DPYD: variants seen among roughly 807,000 people sequenced by gnomAD.
DPYD encodes the protein dihydropyrimidine dehydrogenase.
DPYD carries 109 observed loss-of-function variants against 116.2 expected under a neutral mutation model. The observed-to-expected ratio is 0.94, with a 90% confidence interval of 0.80 to 1.10. The LOEUF is 1.10. Ranked by LOEUF, DPYD falls within the 50% of genes least tolerant of loss-of-function variation. The pLI, the probability that DPYD is intolerant of heterozygous loss-of-function variation, is 0.00. For synonymous variants in DPYD, 440 were observed against 432.0 expected, an observed-to-expected ratio of 1.02 and a Z score of -0.23; for missense variants, 1,302 against 1,254.5, an observed-to-expected ratio of 1.04 and a Z score of -0.57.
At chr1:97,637,742 C>T (rs550452648) in intron 8 of DPYD, among the ~76,000 whole-genome samples, 8 of 152,260 alleles carry the variant, frequency 5.3e-5, no homozygotes, top group African/African-American at 9.6e-5. Context: ...GATGCCTACT[C>T]TGCTTTCTAA....
chr1:97,801,971 G>T (rs962114971), intron 3 of DPYD, among the ~76,000 whole-genome samples: 6 of 151,822 alleles, frequency 4.0e-5, no homozygotes, highest in Non-Finnish European at 8.8e-5. Context: ...TATTTTAGAA[G>T]TAGGATATAA....
At chr1:97,835,840 CACTT>C (rs1669745562) in intron 2 of DPYD, among the ~76,000 whole-genome samples, 1 of 152,010 alleles carries the variant, frequency 6.6e-6, no homozygotes, top group African/African-American at 2.4e-5. Context: ...TTTACTTACT[CACTT>C]AATCTTGACA....
chr1:97,553,222 G>T (rs528154185), intron 11 of DPYD, among the ~76,000 whole-genome samples: 1 of 151,696 alleles, frequency 6.6e-6, no homozygotes, highest in Non-Finnish European at 1.5e-5. Context: ...CTGAAACTTT[G>T]TTAAATCTGG....
intron 14 of DPYD, among the ~76,000 whole-genome samples, chr1:97,384,068 T>A (rs2101572693): frequency 6.6e-6 from 1 of 151,714 alleles, no homozygotes; most frequent in South Asian, 2.1e-4. Flanking sequence ...ATGATTGCAT[T>A]ACTGCACTCC....
chr1:97,302,592 T>C (rs1270414892), intron 18 of DPYD, among the ~76,000 whole-genome samples: 1 of 151,978 alleles, frequency 6.6e-6, no homozygotes, highest in Non-Finnish European at 1.5e-5. Flanking sequence ...CTACAGCAGG[T>C]AGAAGTTATC....
intron 16 of DPYD, among the ~76,000 whole-genome samples, chr1:97,310,649 G>T (rs1328716236): frequency 6.6e-6 from 1 of 151,662 alleles, no homozygotes; most frequent in Non-Finnish European, 1.5e-5. Context: ...TCTGACTTAA[G>T]TATTCTAAAG....
At chr1:97,804,345 G>A (rs545518337) in intron 3 of DPYD, among the ~76,000 whole-genome samples, 4 of 151,750 alleles carry the variant, frequency 2.6e-5, no homozygotes, top group Admixed American at 1.3e-4. Flanking sequence ...AAATAGACAC[G>A]CTTGTGAGTA....
intron 7 of DPYD, among the ~76,000 whole-genome samples, chr1:97,684,280 T>G (rs545910087): frequency 2.8e-4 from 43 of 152,296 alleles, no homozygotes; most frequent in African/African-American, 1.0e-3. Context: ...TCTGCCTTAA[T>G]TTCATTGTTT....
chr1:97,684,986 C>T (rs976822105), intron 7 of DPYD, among the ~76,000 whole-genome samples: 2 of 152,306 alleles, frequency 1.3e-5, no homozygotes, highest in Non-Finnish European at 2.9e-5. Flanking sequence ...TTCTCCCTAA[C>T]TCATTTTATC....
chr1:97,417,186 T>A (rs1400593260), intron 14 of DPYD, among the ~76,000 whole-genome samples: 2 of 152,176 alleles, frequency 1.3e-5, no homozygotes, highest in Non-Finnish European at 2.9e-5. Flanking sequence ...CTTGGATAAG[T>A]TAAGTAACCT....
chr1:97,820,660 C>G (rs1201210057), intron 3 of DPYD, among the ~76,000 whole-genome samples: 1 of 152,160 alleles, frequency 6.6e-6, no homozygotes, highest in Non-Finnish European at 1.5e-5. Context: ...TGACAAAATT[C>G]TTAACACGTG....
intron 20 of DPYD, among the ~76,000 whole-genome samples, chr1:97,168,167 T>C (rs1349119489): frequency 1.3e-5 from 2 of 152,176 alleles, no homozygotes; most frequent in African/African-American, 4.8e-5. Context: ...AAGCTTTTCT[T>C]AGGGAAATCA....
At chr1:97,080,155 C>CA (rs1184334481) in intron 22 of DPYD, among the ~76,000 whole-genome samples, 2 of 150,782 alleles carry the variant, frequency 1.3e-5, no homozygotes, top group Non-Finnish European at 1.5e-5. Context: ...GTCTCACTTG[C>CA]AAAAAAAATA....
At chr1:97,566,577 C>A (rs1339881272) in intron 11 of DPYD, among the ~76,000 whole-genome samples, 2 of 152,060 alleles carry the variant, frequency 1.3e-5, no homozygotes, top group Admixed American at 1.3e-4. Flanking sequence ...CAATATAATG[C>A]AGTATTCTTT....
At chr1:97,708,578 G>A (rs981689764) in intron 5 of DPYD, among the ~76,000 whole-genome samples, 8 of 151,940 alleles carry the variant, frequency 5.3e-5, no homozygotes, top group Non-Finnish European at 1.0e-4. Context: ...AAATCAGGTA[G>A]TCCGAGTCCT....
chr1:97,291,875 T>C (rs958828395), intron 18 of DPYD, among the ~76,000 whole-genome samples: 1 of 151,964 alleles, frequency 6.6e-6, no homozygotes, highest in African/African-American at 2.4e-5. Context: ...AAACCCTAAA[T>C]TCCTATATTT....
chr1:97,651,532 G>A (rs963723460), intron 8 of DPYD, among the ~76,000 whole-genome samples: 2 of 152,014 alleles, frequency 1.3e-5, no homozygotes, highest in African/African-American at 4.8e-5. Context: ...TTTTCTATCA[G>A]TGCCCAGTGT....
intron 18 of DPYD, among the ~76,000 whole-genome samples, chr1:97,246,096 CA>C (rs1394925468): frequency 2.6e-5 from 4 of 152,104 alleles, no homozygotes; most frequent in Non-Finnish European, 5.9e-5. Flanking sequence ...CCCTCTGAAT[CA>C]ATGCTCACTC....
At chr1:97,174,694 T>G (rs1419947754) in intron 20 of DPYD, among the ~76,000 whole-genome samples, 2 of 152,198 alleles carry the variant, frequency 1.3e-5, no homozygotes, top group African/African-American at 4.8e-5. Flanking sequence ...TATCTTATTT[T>G]GTCATAGAAA....
Sources: allele counts gnomAD v4.1 joint callset (sites outside exome capture counted in the v4.1 genomes callset), GRCh38; gene constraint gnomAD v4.1.1; transcripts MANE v1.5; gene names NCBI Gene and HGNC (gene_info 2026-07-23, HGNC 2026-07-21).